The following VCAN variants were observed in gnomAD, a reference collection of about 807,000 sequenced individuals.
VCAN encodes the protein versican.
VCAN carries 44 observed loss-of-function variants against 245.5 expected under a neutral mutation model. The ratio of observed to expected loss-of-function variants is 0.18; its 90% CI spans 0.14 to 0.23. VCAN has a LOEUF of 0.23. Among genes scored for constraint, VCAN ranks in the 10% least tolerant of loss-of-function variants. VCAN has a pLI of 1.00. For synonymous variants in VCAN, 1,413 were observed against 1,437.0 expected, an observed-to-expected ratio of 0.98 and a Z score of 0.38; for missense variants, 3,793 against 4,057.9, an observed-to-expected ratio of 0.93 and a Z score of 1.77.
chr5:83,520,741 C>T lies in VCAN; in HGVS notation c.2435C>T (p.Ser812Phe). 1 of 1,614,114 alleles carries T rather than the reference C, an allele frequency of 6.2e-7. No individual in the cohort carries two copies. The highest frequency in any genetic ancestry group is 8.5e-7 in the Non-Finnish European group (1 of 1,179,974). ...KWSWDEDNTT[S>F]KPLESTEPSA... Reference sequence around the variant, plus strand: ...TCATGGGATGAAGATAATACAACATCCAAGCCTTTAGAGTCTACAGAACCT... The same window carrying T: ...TCATGGGATGAAGATAATACAACATTCAAGCCTTTAGAGTCTACAGAACCT... The change falls in exon 7 of 15, where the codon TCC becomes TTC. Residue 812 changes from serine to phenylalanine, a missense_variant. Around this residue, in one of 5 missense-constraint regions of VCAN, gnomAD observed 3,182 missense variants for 3,250.3 expected, o/e 0.98. Transcript: ENST00000265077.
intron 8 of VCAN, among the ~76,000 whole-genome samples, chr5:83,542,810 A>G (rs1452952619): frequency 6.6e-6 from 1 of 152,234 alleles, no homozygotes; most frequent in African/African-American, 2.4e-5. Context: ...CAGTCTACAT[A>G]ATGCATCAAA....
rs2112352970 is a variant in VCAN at position 83,490,104 on chromosome 5, T to C, written c.77T>C (p.Val26Ala). ...TATTTTCTCTTTCCTCTAGTCAAAG[T>C]GGGAAAAAGCCCACCGGTGAGGGGC... is the stretch of plus-strand genomic sequence containing the variant. ...IVTHALHKVK[V>A]GKSPPVRGSL... The change falls in exon 3 of 15, where the codon GTG becomes GCG. Residue 26 changes from valine to alanine, a missense_variant. Around this residue, in one of 5 missense-constraint regions of VCAN, gnomAD observed 179 missense variants for 169.7 expected, o/e 1.05. Coordinates refer to ENST00000265077, the MANE Select transcript of VCAN (RefSeq NM_004385.5). The C allele has an allele frequency of 6.2e-7, 1 of 1,613,962 alleles. No homozygotes were observed. Among genetic ancestry groups the C allele is most frequent in the African/African-American group, 1.3e-5 (1 of 75,038 alleles).
chr5:83,547,899 C>T (rs1747295902), intron 9 of VCAN, 72 bp from the exon 10 acceptor site: 2 of 1,002,814 alleles, frequency 2.0e-6, no homozygotes, highest in Non-Finnish European at 3.1e-6. Flanking sequence ...TGTTATCTTG[C>T]AACCTCACAC....
At chr5:83,515,510 A>G (rs1044796095) in intron 6 of VCAN, among the ~76,000 whole-genome samples, 19 of 152,342 alleles carry the variant, frequency 1.2e-4, no homozygotes, top group African/African-American at 3.6e-4. Flanking sequence ...AATCTGAATA[A>G]CAGCCATTTC....
At chr5:83,479,299 A>G (rs1304200815) in intron 1 of VCAN, among the ~76,000 whole-genome samples, 2 of 151,726 alleles carry the variant, frequency 1.3e-5, no homozygotes, top group East Asian at 3.9e-4. Flanking sequence ...CTTCCCCAAA[A>G]TCAAGGGAGA....
intron 13 of VCAN, among the ~76,000 whole-genome samples, chr5:83,579,167 G>A (rs1173362468): frequency 6.6e-6 from 1 of 152,110 alleles, no homozygotes; most frequent in Non-Finnish European, 1.5e-5. Flanking sequence ...GGAACCAAAA[G>A]ATATTTGTAT....
At chr5:83,575,990 A>T (rs996583982) in intron 13 of VCAN, among the ~76,000 whole-genome samples, 3 of 152,172 alleles carry the variant, frequency 2.0e-5, no homozygotes, top group East Asian at 1.9e-4. Flanking sequence ...ATAGGCTTTT[A>T]AAAAAGATAC....
At chr5:83,498,112 C>T (rs1561232157) in intron 5 of VCAN, among the ~76,000 whole-genome samples, 1 of 152,120 alleles carries the variant, frequency 6.6e-6, no homozygotes, top group Non-Finnish European at 1.5e-5. Context: ...TTAACTACTA[C>T]CCTACTATTC....
intron 5 of VCAN, among the ~76,000 whole-genome samples, chr5:83,499,221 T>C (rs1477656334): frequency 1.3e-5 from 2 of 152,134 alleles, no homozygotes; most frequent in East Asian, 3.9e-4. Flanking sequence ...TTCCATGTGA[T>C]TTATTGCTTA....
intron 12 of VCAN, among the ~76,000 whole-genome samples, chr5:83,559,145 A>C (rs182682316): frequency 3.2e-4 from 48 of 152,304 alleles, no homozygotes; most frequent in African/African-American, 1.1e-3. Context: ...AAAGACACTC[A>C]GTTAAACCAT....
At chr5:83,552,902 G>GA (rs1367908801) in intron 10 of VCAN, among the ~76,000 whole-genome samples, 1 of 152,176 alleles carries the variant, frequency 6.6e-6, no homozygotes, top group African/African-American at 2.4e-5. Context: ...ATCTCTTTGG[G>GA]AAATGGGAGA....
intron 1 of VCAN, among the ~76,000 whole-genome samples, chr5:83,475,644 T>C (rs10065800): frequency 0.059 from 9,036 of 152,266 alleles, 865 homozygotes; most frequent in African/African-American, 0.2. Context: ...TGACTTCTTG[T>C]TCTGAGCTCT....
At chr5:83,492,692 A>G (rs551175981) in intron 3 of VCAN, among the ~76,000 whole-genome samples, 1 of 152,354 alleles carries the variant, frequency 6.6e-6, no homozygotes, top group East Asian at 1.9e-4. Flanking sequence ...GGCAAGTATC[A>G]GGAGCTTCTA....
At chr5:83,483,350 T>G (rs1744677387) in intron 1 of VCAN, among the ~76,000 whole-genome samples, 163 bp from the exon 2 acceptor site, 1 of 152,212 alleles carries the variant, frequency 6.6e-6, no homozygotes, top group Non-Finnish European at 1.5e-5. Flanking sequence ...CTATTACAAG[T>G]TTACTCCTGT....
Position 83,539,366 on chromosome 5 carries a change from A to T in VCAN, c.6363A>T (p.Gln2121His), listed in dbSNP as rs1008926550. 6.2e-7 allele frequency: 1 copy of T among 1,614,044 alleles called. No homozygotes were observed. Among genetic ancestry groups the T allele is most frequent in the African/African-American group, 1.3e-5 (1 of 74,954 alleles). Residue 2121 changes from glutamine (Q) to histidine (H), a missense_variant, in exon 8 of 15, where the codon CAA (glutamine) becomes CAT (histidine). Physicochemically the swap from Gln to His is conservative, Grantham distance 24. Transcript: ENST00000265077. ...AAACAACATCAGAGGAACAAATTCA[A>T]GAAGAAAAGTCATTTGAATCCCCTC... ...ESETTSEEQI[Q>H]EEKSFESPQN...
In VCAN at chr5:83,580,502, T is replaced by C; in HGVS notation, c.*68T>C. ...GTCCTAACTTCCTGTGCCTTTCCTA[T>C]CACCTCGAGAAGTAATTATCAGTTG... On this transcript the variant is annotated 3_prime_UTR_variant, in exon 15 of 15. Coordinates refer to ENST00000265077, the MANE Select transcript of VCAN (RefSeq NM_004385.5). The C allele has an allele frequency of 6.2e-7, 1 of 1,600,536 alleles. No homozygotes were observed. Among genetic ancestry groups the C allele is most frequent in the Non-Finnish European group, 8.5e-7 (1 of 1,172,660 alleles).
rs765705867 is a variant in VCAN at position 83,539,070 on chromosome 5, G to A, written c.6067G>A (p.Val2023Ile). The A allele has an allele frequency of 3.1e-6, 5 of 1,613,872 alleles. No individual in the cohort carries two copies. The highest frequency in any genetic ancestry group is 1.3e-5 in the African/African-American group (1 of 74,938). ...EQLVTVSSSVVPVLPSAVQKF... is the reference protein window; with the variant it reads ...EQLVTVSSSVIPVLPSAVQKF... ...ACTGGTCACAGTCAGCAGCTCTGTT[G>A]TTCCAGTGCTTCCCAGTGCTGTGCA... The change falls in exon 8 of 15, where the codon GTT (valine) becomes ATT (isoleucine). Residue 2023 changes from valine (V) to isoleucine (I), a missense_variant. Physicochemically the swap from Val to Ile is conservative, Grantham distance 29. This residue lies in a region of VCAN where 3,182 missense variants were observed against 3,250.3 expected (regional missense o/e 0.98). Coordinates refer to ENST00000265077, the MANE Select transcript of VCAN (RefSeq NM_004385.5).
At chr5:83,479,831 A>G (rs1485152246) in intron 1 of VCAN, among the ~76,000 whole-genome samples, 2 of 152,242 alleles carry the variant, frequency 1.3e-5, no homozygotes, top group East Asian at 3.8e-4. Flanking sequence ...TGAGGCAGCT[A>G]AAGTCAATAA....
chr5:83,545,407 A>T, intron 8 of VCAN, 130 bp from the exon 9 acceptor site: 1 of 783,342 alleles, frequency 1.3e-6, no homozygotes, highest in Non-Finnish European at 2.3e-6. Flanking sequence ...GTTAATTTTT[A>T]TATGTAGTAA....
Sources: allele counts gnomAD v4.1 joint callset (sites outside exome capture counted in the v4.1 genomes callset), GRCh38; gene constraint gnomAD v4.1.1; regional missense constraint gnomAD v4.1.1; transcripts MANE v1.5; gene names NCBI Gene and HGNC (gene_info 2026-07-23, HGNC 2026-07-21).